Variants in CSMD1 observed in about 807,000 individuals in gnomAD.
CSMD1 encodes CUB and Sushi multiple domains 1.
CSMD1 carries 213 observed loss-of-function variants against 417.5 expected under a neutral mutation model. The observed-to-expected ratio is 0.51, with a 90% CI of 0.46 to 0.57. The LOEUF (loss-of-function observed/expected upper bound fraction) is 0.57. Ranked by LOEUF, CSMD1 falls within the 20% of genes least tolerant of loss-of-function variation. The probability of loss-of-function intolerance (pLI) is 0.00; values close to 1 mark genes in which losing one functional copy is unlikely to be tolerated. For missense variants in CSMD1, 6,923 were observed against 4,529.7 expected (o/e 1.53, Z -15.17); for synonymous variants, 2,862 against 1,736.8 (o/e 1.65, Z -16.11).
chr8:3,197,462 ATTTTTT>A (rs10549384), intron 33 of CSMD1, among the ~76,000 whole-genome samples: 5 of 114,922 alleles, frequency 4.4e-5, no homozygotes, highest in Admixed American at 9.2e-5. Flanking sequence ...AGCTCAAATA[ATTTTTT>A]TTTTTTTTTT....
At chr8:4,195,220 C>G (rs114106727) in intron 3 of CSMD1, among the ~76,000 whole-genome samples, 1 of 152,110 alleles carries the variant, frequency 6.6e-6, no homozygotes, top group African/African-American at 2.4e-5. Context: ...TGCATACATT[C>G]GATTTCAGGC....
At chr8:4,835,448 G>A (rs1372539068) in intron 1 of CSMD1, among the ~76,000 whole-genome samples, 3 of 152,126 alleles carry the variant, frequency 2.0e-5, no homozygotes, top group Non-Finnish European at 2.9e-5. Context: ...TAGTTATTTT[G>A]GAACTAAAGG....
intron 3 of CSMD1, among the ~76,000 whole-genome samples, chr8:4,396,560 G>A (rs114832935): frequency 3.3e-5 from 5 of 151,746 alleles, no homozygotes; most frequent in South Asian, 4.2e-4. Flanking sequence ...AGCAAAATTC[G>A]CAACTGCAAC....
intron 3 of CSMD1, among the ~76,000 whole-genome samples, chr8:4,320,300 A>G (rs747953556): frequency 6.6e-6 from 1 of 152,224 alleles, no homozygotes; most frequent in Non-Finnish European, 1.5e-5. Flanking sequence ...AAGAGTGTTC[A>G]CCTTATAATA....
intron 5 of CSMD1, among the ~76,000 whole-genome samples, chr8:3,921,576 G>A (rs1468054160): frequency 6.6e-6 from 1 of 151,846 alleles, no homozygotes; most frequent in Non-Finnish European, 1.5e-5. Flanking sequence ...ATCTATTTTG[G>A]TGTGCTTGGT....
chr8:4,920,032 C>T (rs1181681958), intron 1 of CSMD1, among the ~76,000 whole-genome samples: 2 of 152,080 alleles, frequency 1.3e-5, no homozygotes, highest in Admixed American at 1.3e-4. Context: ...AGGTATTTTG[C>T]TGCAGTAGCA....
At chr8:3,553,498 C>T (rs145004604) in intron 10 of CSMD1, among the ~76,000 whole-genome samples, 41 of 152,266 alleles carry the variant, frequency 2.7e-4, no homozygotes, top group African/African-American at 7.9e-4. Context: ...AAGACAGCTG[C>T]GTCAAATCAA....
At chr8:4,464,491 T>C (rs1246055946) in intron 2 of CSMD1, among the ~76,000 whole-genome samples, 1 of 152,172 alleles carries the variant, frequency 6.6e-6, no homozygotes, top group Non-Finnish European at 1.5e-5. Flanking sequence ...AAAGCTTATT[T>C]TATAATAACA....
At chr8:4,023,329 G>C (rs1006227367) in intron 4 of CSMD1, among the ~76,000 whole-genome samples, 1 of 152,150 alleles carries the variant, frequency 6.6e-6, no homozygotes, top group African/African-American at 2.4e-5. Context: ...ATTTCTGTTT[G>C]AGCCCATTAA....
chr8:3,397,207 G>C (rs147835162), intron 16 of CSMD1, among the ~76,000 whole-genome samples: 93 of 152,294 alleles, frequency 6.1e-4, no homozygotes, highest in African/African-American at 2.2e-3. Flanking sequence ...CTCTCAGGGA[G>C]CAGCTTAAGC....
chr8:4,454,118 A>G (rs1481863359), intron 2 of CSMD1, among the ~76,000 whole-genome samples: 2 of 151,996 alleles, frequency 1.3e-5, no homozygotes, highest in African/African-American at 2.4e-5. Flanking sequence ...CACTGTGCCC[A>G]GCCTGCAATT....
intron 23 of CSMD1, among the ~76,000 whole-genome samples, chr8:3,317,704 G>C (rs1019817433): frequency 5.3e-5 from 8 of 152,158 alleles, no homozygotes; most frequent in African/African-American, 1.9e-4. Context: ...ATCATTACTT[G>C]ATGTGTTCAC....
chr8:4,769,333 G>T (rs556310553), intron 1 of CSMD1, among the ~76,000 whole-genome samples: 1 of 152,128 alleles, frequency 6.6e-6, no homozygotes, highest in Non-Finnish European at 1.5e-5. Context: ...TACAATTACC[G>T]TTTAAGTAAG....
intron 7 of CSMD1, among the ~76,000 whole-genome samples, chr8:3,630,061 G>A (rs200559936): frequency 6.6e-6 from 1 of 152,024 alleles, no homozygotes; most frequent in African/African-American, 2.4e-5. Flanking sequence ...CTACATTAGA[G>A]ATCAAAATCC....
intron 11 of CSMD1, among the ~76,000 whole-genome samples, chr8:3,485,865 A>G (rs1477786041): frequency 1.3e-5 from 2 of 152,122 alleles, no homozygotes; most frequent in Non-Finnish European, 2.9e-5. Context: ...TCAGTGGATC[A>G]TATCAAGGTG....
intron 3 of CSMD1, among the ~76,000 whole-genome samples, chr8:4,327,747 T>C (rs1175055583): frequency 1.3e-5 from 2 of 152,246 alleles, no homozygotes; most frequent in East Asian, 1.9e-4. Flanking sequence ...TCCGAAAACA[T>C]TGTTACATAC....
chr8:3,694,055 A>G (rs1256856296), intron 7 of CSMD1, among the ~76,000 whole-genome samples: 1 of 148,680 alleles, frequency 6.7e-6, no homozygotes, highest in Non-Finnish European at 1.5e-5. Context: ...GTGTTGTGTT[A>G]GTGTGTGTGT....
At chr8:4,421,341 A>C (rs1214504191) in intron 2 of CSMD1, among the ~76,000 whole-genome samples, 1 of 152,182 alleles carries the variant, frequency 6.6e-6, no homozygotes, top group African/African-American at 2.4e-5. Context: ...GTATTTAATC[A>C]ATATTTATAG....
intron 2 of CSMD1, among the ~76,000 whole-genome samples, chr8:4,556,159 AT>A (rs1798076679): frequency 6.6e-6 from 1 of 152,316 alleles, no homozygotes; most frequent in African/African-American, 2.4e-5. Flanking sequence ...CATAGATCCA[AT>A]TTTTGTATTA....
Sources: allele counts gnomAD v4.1 joint callset (sites outside exome capture counted in the v4.1 genomes callset), GRCh38; gene constraint gnomAD v4.1.1; transcripts MANE v1.5; gene names NCBI Gene and HGNC (gene_info 2026-07-23, HGNC 2026-07-21).